CCBE1: variants seen among roughly 807,000 people sequenced by gnomAD.
CCBE1 encodes collagen and calcium binding EGF domains 1, also known as collagen and calcium-binding EGF domain-containing protein 1.
In CCBE1, 37 loss-of-function variants were observed where a neutral mutation model predicts 50.0. The ratio of observed to expected loss-of-function variants is 0.74; its 90% CI spans 0.57 to 0.97. CCBE1 has a LOEUF of 0.97. CCBE1 is among the 50% of genes least tolerant of loss of function. CCBE1 has a pLI of 0.00. For synonymous variants in CCBE1, 234 were observed against 203.7 expected (o/e 1.15, Z -1.27); for missense variants, 538 against 523.8 (o/e 1.03, Z -0.26).
intron 2 of CCBE1, among the ~76,000 whole-genome samples, chr18:59,575,179 T>C (rs537559711): frequency 6.6e-6 from 1 of 152,270 alleles, no homozygotes; most frequent in Admixed American, 6.5e-5. Context: ...GATGCCTTGA[T>C]CTCAGACTTC....
At chr18:59,640,046 A>G (rs1358677190) in intron 2 of CCBE1, among the ~76,000 whole-genome samples, 2 of 152,214 alleles carry the variant, frequency 1.3e-5, no homozygotes, top group African/African-American at 4.8e-5. Flanking sequence ...GTATCATTAA[A>G]ATGGCCATAC....
intron 1 of CCBE1, 128 bp from the exon 2 acceptor site, chr18:59,696,837 G>C: frequency 9.7e-7 from 1 of 1,031,738 alleles, no homozygotes; most frequent in South Asian, 1.3e-5. Flanking sequence ...GCAGGGGCTG[G>C]TCCCCAAACG....
intron 2 of CCBE1, among the ~76,000 whole-genome samples, chr18:59,509,070 A>G (rs1042615871): frequency 2.0e-5 from 3 of 152,162 alleles, no homozygotes; most frequent in Non-Finnish European, 2.9e-5. Context: ...TGGTTCTGAG[A>G]GCAAGCAGAA....
rs1246634726 is a variant in CCBE1 at position 59,431,338 on chromosome 18, T to C, written c.*4570A>G. 1 of 152,258 alleles carries C rather than the reference T, an allele frequency of 6.6e-6. No individual in the cohort carries two copies. Among genetic ancestry groups the C allele is most frequent in the Non-Finnish European group, 1.5e-5 (1 of 68,050 alleles). The allele number at this position is 152,258 out of a possible 1,614,324, so 9.4% of individuals were successfully genotyped here. ...TGACTATGCCAGGAAAAAATTCATCTATTTCCCTGAACTCATTATTAATAA... is the reference window on the plus strand; with the variant it reads ...TGACTATGCCAGGAAAAAATTCATCCATTTCCCTGAACTCATTATTAATAA... On this transcript the variant is annotated 3_prime_UTR_variant, in exon 11 of 11. Coordinates refer to ENST00000439986, the MANE Select transcript of CCBE1 (RefSeq NM_133459.4).
chr18:59,651,798 G>C (rs2054131739), intron 2 of CCBE1, among the ~76,000 whole-genome samples: 1 of 152,334 alleles, frequency 6.6e-6, no homozygotes, highest in East Asian at 1.9e-4. Flanking sequence ...CCTGGGAAAG[G>C]GAAGTGGAAA....
chr18:59,485,890 C>T (rs1304382231), intron 2 of CCBE1, among the ~76,000 whole-genome samples: 3 of 150,286 alleles, frequency 2.0e-5, no homozygotes, highest in Admixed American at 6.7e-5. Flanking sequence ...CATGAGCCAC[C>T]GTGCCCGGCC....
chr18:59,599,122 C>A (rs570279000), intron 2 of CCBE1, among the ~76,000 whole-genome samples: 1 of 152,064 alleles, frequency 6.6e-6, no homozygotes, highest in South Asian at 2.1e-4. Flanking sequence ...TATTTTTCTC[C>A]TCCCACCGTC....
At chr18:59,539,700 A>T (rs12970757) in intron 2 of CCBE1, among the ~76,000 whole-genome samples, 42,037 of 151,966 alleles carry the variant, frequency 0.28, 5,962 homozygotes, top group African/African-American at 0.33. Flanking sequence ...ATCTGACCTT[A>T]TCTTCTGGTT....
intron 2 of CCBE1, among the ~76,000 whole-genome samples, chr18:59,610,476 G>C (rs764098609): frequency 1.2e-4 from 18 of 148,052 alleles, no homozygotes; most frequent in Non-Finnish European, 2.4e-4. Context: ...AAGGTTGCTA[G>C]ACTCTAGCCA....
In CCBE1 at chr18:59,434,933, T is replaced by C. The variant is rs997680878; in HGVS notation, c.*975A>G. On this transcript the variant is annotated 3_prime_UTR_variant, in exon 11 of 11. Coordinates refer to ENST00000439986, the MANE Select transcript of CCBE1 (RefSeq NM_133459.4). ...CTCCTTGCAGACTTCAGCCCCACTG[T>C]ATATTGGTTCAGCCTGGATCATGGC... is the stretch of plus-strand genomic sequence containing the variant. 7 of 152,368 alleles carry C rather than the reference T, an allele frequency of 4.6e-5. No homozygotes were observed. Among genetic ancestry groups the C allele is most frequent in the African/African-American group, 1.4e-4 (6 of 41,566 alleles). The allele number at this position is 152,368 out of a possible 1,614,324, so 9.4% of individuals were successfully genotyped here. A position where few individuals can be genotyped will look rare whatever the true frequency, so the allele number is the denominator to read the frequency against.
intron 2 of CCBE1, among the ~76,000 whole-genome samples, chr18:59,682,906 CAG>C (rs972350738): frequency 1.3e-5 from 2 of 152,188 alleles, no homozygotes; most frequent in African/African-American, 4.8e-5. Context: ...ATGTCCAAAA[CAG>C]AGTTCTTTCT....
At chr18:59,686,354 C>T (rs2054653048) in intron 2 of CCBE1, among the ~76,000 whole-genome samples, 1 of 152,198 alleles carries the variant, frequency 6.6e-6, no homozygotes, top group African/African-American at 2.4e-5. Context: ...GGCAGAAAAG[C>T]AAGGTAACCA....
At chr18:59,502,991 A>T (rs914038273) in intron 2 of CCBE1, among the ~76,000 whole-genome samples, 6 of 152,238 alleles carry the variant, frequency 3.9e-5, no homozygotes, top group African/African-American at 7.2e-5. Flanking sequence ...GCCAGAGGAA[A>T]GGCTGTCTCC....
At chr18:59,495,284 T>A (rs1230224819) in intron 2 of CCBE1, among the ~76,000 whole-genome samples, 1 of 151,930 alleles carries the variant, frequency 6.6e-6, no homozygotes, top group African/African-American at 2.4e-5. Context: ...TAACTGTGAT[T>A]AACATGGTTA....
intron 6 of CCBE1, among the ~76,000 whole-genome samples, chr18:59,451,909 A>G (rs1413582762): frequency 1.3e-5 from 2 of 152,002 alleles, no homozygotes; most frequent in Non-Finnish European, 2.9e-5. Flanking sequence ...CCCCATCCCA[A>G]TCAGTCTCCT....
intron 2 of CCBE1, among the ~76,000 whole-genome samples, chr18:59,551,582 G>A (rs77890053): frequency 0.011 from 1,723 of 152,168 alleles, 12 homozygotes; most frequent in Non-Finnish European, 0.019. Flanking sequence ...TCCTATATGC[G>A]GTCCATCCTT....
intron 3 of CCBE1, among the ~76,000 whole-genome samples, chr18:59,477,560 G>A (rs1222676517): frequency 1.3e-5 from 2 of 151,892 alleles, no homozygotes; most frequent in African/African-American, 4.8e-5. Flanking sequence ...GTGTGTGTGT[G>A]TGTGTGCACC....
At chr18:59,668,997 C>T (rs1397229610) in intron 2 of CCBE1, among the ~76,000 whole-genome samples, 1 of 151,672 alleles carries the variant, frequency 6.6e-6, no homozygotes, top group Non-Finnish European at 1.5e-5. Flanking sequence ...CAACACCTGG[C>T]TAATTTTTGT....
intron 2 of CCBE1, among the ~76,000 whole-genome samples, chr18:59,650,745 C>T (rs1478425914): frequency 2.0e-5 from 3 of 151,472 alleles, no homozygotes; most frequent in African/African-American, 2.4e-5. Flanking sequence ...TCTCCACTCT[C>T]ACTGCCTTGC....
Sources: allele counts gnomAD v4.1 joint callset (sites outside exome capture counted in the v4.1 genomes callset), GRCh38; gene constraint gnomAD v4.1.1; transcripts MANE v1.5; gene names NCBI Gene and HGNC (gene_info 2026-07-23, HGNC 2026-07-21).